Variants in FAF1 observed in about 807,000 individuals in gnomAD.
The protein encoded by FAF1 is FAS-associated factor 1.
In FAF1, 25 loss-of-function variants were observed where a neutral mutation model predicts 92.5. The ratio of observed to expected loss-of-function variants is 0.27; its 90% confidence interval spans 0.20 to 0.38. The LOEUF is 0.38. Ranked by LOEUF, FAF1 falls within the 10% of genes least tolerant of loss-of-function variation. The probability of loss-of-function intolerance (pLI) is 1.00; values close to 1 mark genes in which losing one functional copy is unlikely to be tolerated. For synonymous variants in FAF1, 234 were observed against 273.2 expected, an observed-to-expected ratio of 0.86 and a Z score of 1.42; for missense variants, 636 against 793.3, an observed-to-expected ratio of 0.80 and a Z score of 2.38.
At chr1:50,641,492 C>CA (rs759508743) in intron 8 of FAF1, among the ~76,000 whole-genome samples, 2 of 152,118 alleles carry the variant, frequency 1.3e-5, no homozygotes, top group Non-Finnish European at 2.9e-5. Context: ...TGAAGAGCTT[C>CA]AGGCCACTGT....
chr1:50,837,246 G>A (rs376504996), intron 2 of FAF1, among the ~76,000 whole-genome samples: 3 of 151,986 alleles, frequency 2.0e-5, no homozygotes, highest in South Asian at 2.1e-4. Flanking sequence ...GTGAGCCACC[G>A]TGCCCGGCCA....
chr1:50,637,853 C>CT lies in FAF1; in HGVS notation c.744+17588_744+17589insA, dbSNP rs547162455. ...ATCCCAAGATTTTCTCCTATATTTT[C>CT]CCCAAGTTTAATAGTTGTAGCTTTT... On this transcript the variant is annotated intron_variant, in intron 8 of 18. Transcript: ENST00000396153. Among the ~76,000 whole-genome samples, 174 of 151,766 alleles carry CT rather than the reference C, an allele frequency of 1.1e-3. 6 individuals carry two copies. In the East Asian group the frequency reaches 0.027, roughly 23 times the overall value.
chr1:50,909,243 C>T (rs765902955), intron 1 of FAF1, among the ~76,000 whole-genome samples: 6 of 152,318 alleles, frequency 3.9e-5, no homozygotes, highest in East Asian at 1.9e-4. Flanking sequence ...CCCAGAGATC[C>T]GCTGTTAGTC....
chr1:50,552,453 T>C (rs954043650), intron 13 of FAF1, among the ~76,000 whole-genome samples: 1 of 152,182 alleles, frequency 6.6e-6, no homozygotes, highest in African/African-American at 2.4e-5. Flanking sequence ...TGAATTCTTA[T>C]AACATCAACA....
chr1:50,897,808 A>T (rs538750507), intron 1 of FAF1, among the ~76,000 whole-genome samples: 54 of 152,322 alleles, frequency 3.5e-4, no homozygotes, highest in African/African-American at 1.3e-3. Context: ...CATGGTCAGA[A>T]GTCACATTGT....
At chr1:50,869,006 A>T (rs1644505380) in intron 1 of FAF1, among the ~76,000 whole-genome samples, 1 of 152,098 alleles carries the variant, frequency 6.6e-6, no homozygotes. Flanking sequence ...GAAAATCTCC[A>T]TTTGTACTTG....
chr1:50,791,792 T>C (rs1661572180), intron 3 of FAF1, among the ~76,000 whole-genome samples: 2 of 152,236 alleles, frequency 1.3e-5, no homozygotes, highest in African/African-American at 2.4e-5. Context: ...CAGTCTTCTA[T>C]ACCTATGTAA....
intron 13 of FAF1, among the ~76,000 whole-genome samples, chr1:50,552,390 C>T (rs145973798): frequency 8.7e-4 from 133 of 152,060 alleles, no homozygotes; most frequent in African/African-American, 2.9e-3. Context: ...GAATTCCAAT[C>T]GTGGTCTGAA....
chr1:50,935,671 C>T lies in FAF1; in HGVS notation c.45+24096G>A, dbSNP rs550132581. Among the ~76,000 whole-genome samples, 28 of 150,918 alleles carry T rather than the reference C, an allele frequency of 1.9e-4. No homozygotes were observed. In the South Asian group the frequency reaches 4.6e-3, roughly 25 times the overall value. On this transcript the variant is annotated intron_variant, in intron 1 of 18. Transcript: ENST00000396153. ...TATTTTTACTAGAGATGGGGTTTCA[C>T]CATGTTGGCCAGGCTGACTCGAACT...
chr1:50,739,367 C>CATACATGCATATACATGT (rs1659286879), intron 5 of FAF1, among the ~76,000 whole-genome samples: 1 of 151,506 alleles, frequency 6.6e-6, no homozygotes, highest in African/African-American at 2.4e-5. Flanking sequence ...CATGTGTACA[C>CATACATGCATATACATGT]GTACATACAT....
intron 15 of FAF1, among the ~76,000 whole-genome samples, chr1:50,531,817 T>C (rs1648186704): frequency 6.6e-6 from 1 of 152,182 alleles, no homozygotes; most frequent in Non-Finnish European, 1.5e-5. Context: ...ATAAATATGG[T>C]TCAGGCTTGG....
intron 6 of FAF1, among the ~76,000 whole-genome samples, chr1:50,713,547 T>C (rs950106990): frequency 2.0e-5 from 3 of 152,114 alleles, no homozygotes; most frequent in African/African-American, 7.2e-5. Context: ...GTGCTGGGAT[T>C]ATAGGCATGA....
At chr1:50,590,676 G>C (rs576099875) in intron 9 of FAF1, among the ~76,000 whole-genome samples, 1 of 152,224 alleles carries the variant, frequency 6.6e-6, no homozygotes, top group South Asian at 2.1e-4. Context: ...ATGTCAAATA[G>C]AAATGGTGAA....
At chr1:50,570,698 T>C (rs1650397552) in intron 12 of FAF1, among the ~76,000 whole-genome samples, 2 of 152,236 alleles carry the variant, frequency 1.3e-5, no homozygotes, top group African/African-American at 4.8e-5. Context: ...ACAAAAAATT[T>C]TCTGCTGCTT....
At chr1:50,877,040 T>C (rs1644577469) in intron 1 of FAF1, among the ~76,000 whole-genome samples, 1 of 152,196 alleles carries the variant, frequency 6.6e-6, no homozygotes, top group Admixed American at 6.5e-5. Context: ...TTCAAATAAT[T>C]TATGTAGCTA....
At chr1:50,611,732 T>TA (rs1206074109) in intron 8 of FAF1, among the ~76,000 whole-genome samples, 1 of 152,140 alleles carries the variant, frequency 6.6e-6, no homozygotes, top group South Asian at 2.1e-4. Flanking sequence ...AGTGGACAGA[T>TA]ACGTATTTTT....
intron 1 of FAF1, among the ~76,000 whole-genome samples, chr1:50,910,455 T>C (rs1644875527): frequency 6.6e-6 from 1 of 152,218 alleles, no homozygotes; most frequent in South Asian, 2.1e-4. Flanking sequence ...TTCTGATGCC[T>C]TTTGTTCAAC....
intron 2 of FAF1, among the ~76,000 whole-genome samples, chr1:50,829,281 T>G (rs1644132106): frequency 1.3e-5 from 2 of 152,144 alleles, no homozygotes; most frequent in East Asian, 3.9e-4. Context: ...GGAGCTGTAT[T>G]TTAAAATCAA....
intron 17 of FAF1, among the ~76,000 whole-genome samples, chr1:50,479,804 A>T (rs1378362618): frequency 6.6e-6 from 1 of 152,236 alleles, no homozygotes; most frequent in African/African-American, 2.4e-5. Context: ...AACAGACCTC[A>T]TACATCCCAC....
Sources: gnomAD v4.1 joint callset for allele counts (sites outside exome capture counted in the v4.1 genomes callset) on GRCh38, gnomAD v4.1.1 for gene constraint, MANE v1.5 for transcripts, NCBI Gene and HGNC (gene_info 2026-07-23, HGNC 2026-07-21) for gene names.